Variants in NRXN3 observed in about 807,000 individuals in gnomAD.
NRXN3 encodes the protein neurexin 3.
A neutral mutation model predicts 137.6 loss-of-function variants in NRXN3; 32 were observed. The ratio of observed to expected loss-of-function variants is 0.23; its 90% CI spans 0.18 to 0.31. NRXN3 has a LOEUF of 0.31. NRXN3 is among the 10% of genes least tolerant of loss of function. The pLI, the probability that NRXN3 is intolerant of heterozygous loss-of-function variation, is 1.00. For missense variants in NRXN3, 1,574 were observed against 2,062.5 expected (o/e 0.76, Z 4.59); for synonymous variants, 798 against 784.5 (o/e 1.02, Z -0.29).
intron 5 of NRXN3, among the ~76,000 whole-genome samples, chr14:78,650,656 A>C (rs1461017961): frequency 1.3e-5 from 2 of 152,124 alleles, no homozygotes; most frequent in African/African-American, 4.8e-5. Flanking sequence ...GAGCCAAAAA[A>C]TATTAATAAC....
intron 15 of NRXN3, among the ~76,000 whole-genome samples, chr14:79,245,124 C>A (rs1385354672): frequency 6.6e-6 from 1 of 152,048 alleles, no homozygotes; most frequent in Admixed American, 6.6e-5. Context: ...TAATGATGCC[C>A]ATCTCACAGG....
chr14:79,005,203 A>G (rs2099549831), intron 15 of NRXN3, among the ~76,000 whole-genome samples: 1 of 152,186 alleles, frequency 6.6e-6, no homozygotes, highest in Non-Finnish European at 1.5e-5. Flanking sequence ...TCCCACTAAT[A>G]CGCAGGAGCT....
intron 19 of NRXN3, among the ~76,000 whole-genome samples, chr14:79,717,676 A>G (rs1485664274): frequency 1.3e-5 from 2 of 152,202 alleles, no homozygotes; most frequent in Non-Finnish European, 2.9e-5. Context: ...AATATTTAGG[A>G]CAGTTCATCT....
At chr14:78,364,228 T>C (rs1403188607) in intron 4 of NRXN3, among the ~76,000 whole-genome samples, 1 of 152,236 alleles carries the variant, frequency 6.6e-6, no homozygotes, top group African/African-American at 2.4e-5. Flanking sequence ...CCAGGGCTTC[T>C]AGCCCATGTA....
chr14:79,285,164 T>C (rs1021895055), intron 15 of NRXN3, among the ~76,000 whole-genome samples: 1 of 151,834 alleles, frequency 6.6e-6, no homozygotes, highest in Non-Finnish European at 1.5e-5. Context: ...AGAGATAAGA[T>C]CATCAGAACA....
At chr14:78,334,860 C>T (rs1484392486) in intron 4 of NRXN3, among the ~76,000 whole-genome samples, 1 of 152,112 alleles carries the variant, frequency 6.6e-6, no homozygotes, top group Non-Finnish European at 1.5e-5. Flanking sequence ...ATTCTGTAAA[C>T]ACTTATTGAA....
At chr14:78,846,708 A>G (rs766366042) in intron 10 of NRXN3, among the ~76,000 whole-genome samples, 3 of 152,092 alleles carry the variant, frequency 2.0e-5, no homozygotes, top group Non-Finnish European at 2.9e-5. Flanking sequence ...AATATGCTGC[A>G]ATAAAAATGA....
intron 15 of NRXN3, among the ~76,000 whole-genome samples, chr14:79,368,559 T>C (rs1366104017): frequency 6.6e-6 from 1 of 152,212 alleles, no homozygotes; most frequent in Non-Finnish European, 1.5e-5. Context: ...TCTCAGTCAA[T>C]ACTCTGCATA....
chr14:79,076,199 A>G (rs373608144), intron 15 of NRXN3, among the ~76,000 whole-genome samples: 28 of 152,138 alleles, frequency 1.8e-4, no homozygotes, highest in African/African-American at 6.5e-4. Flanking sequence ...CTCATTGTTC[A>G]TTCATGGAGT....
intron 15 of NRXN3, among the ~76,000 whole-genome samples, chr14:79,047,180 C>T (rs2099634393): frequency 6.7e-6 from 1 of 149,966 alleles, no homozygotes; most frequent in Non-Finnish European, 1.5e-5. Context: ...CAACAACCCA[C>T]TTTTAGTGTG....
intron 15 of NRXN3, among the ~76,000 whole-genome samples, chr14:79,314,621 C>G (rs1246392639): frequency 1.1e-5 from 1 of 91,032 alleles, no homozygotes; most frequent in Non-Finnish European, 2.1e-5. Context: ...AGGGCACAGA[C>G]AAACAAAAAG....
chr14:79,371,317 A>G (rs2094102728), intron 15 of NRXN3, among the ~76,000 whole-genome samples: 1 of 152,210 alleles, frequency 6.6e-6, no homozygotes, highest in Non-Finnish European at 1.5e-5. Flanking sequence ...TTAGGGTGAC[A>G]GAACATATGA....
intron 15 of NRXN3, among the ~76,000 whole-genome samples, chr14:79,377,306 T>C (rs2094331371): frequency 6.6e-6 from 1 of 152,150 alleles, no homozygotes; most frequent in Non-Finnish European, 1.5e-5. Context: ...AAGAAGAAAT[T>C]TGAGAAAGTA....
At chr14:79,837,699 A>G (rs1603618427) in intron 20 of NRXN3, among the ~76,000 whole-genome samples, 1 of 152,142 alleles carries the variant, frequency 6.6e-6, no homozygotes, top group African/African-American at 2.4e-5. Flanking sequence ...GTTTTTCTCT[A>G]GAGGCTTCCA....
chr14:78,997,353 T>C (rs960737431), intron 15 of NRXN3, among the ~76,000 whole-genome samples: 3 of 152,364 alleles, frequency 2.0e-5, no homozygotes, highest in Admixed American at 6.5e-5. Context: ...CTGTGTTTAA[T>C]TATAGCCCAT....
chr14:79,163,556 G>C (rs1026258100), intron 15 of NRXN3, among the ~76,000 whole-genome samples: 1 of 151,814 alleles, frequency 6.6e-6, no homozygotes, highest in Non-Finnish European at 1.5e-5. Context: ...TCCAGTCATG[G>C]CCTGACAAGT....
At chr14:78,593,736 G>A (rs979171702) in intron 4 of NRXN3, among the ~76,000 whole-genome samples, 4 of 152,100 alleles carry the variant, frequency 2.6e-5, no homozygotes, top group Non-Finnish European at 5.9e-5. Context: ...CCAGCATAGA[G>A]GACCTGGTTT....
At chr14:79,239,443 A>G (rs879859540) in intron 15 of NRXN3, among the ~76,000 whole-genome samples, 1 of 152,162 alleles carries the variant, frequency 6.6e-6, no homozygotes, top group African/African-American at 2.4e-5. Flanking sequence ...CACTGGTCAT[A>G]CAGAATTAAA....
chr14:79,632,953 T>C (rs2098370931), intron 16 of NRXN3, among the ~76,000 whole-genome samples: 1 of 152,206 alleles, frequency 6.6e-6, no homozygotes. Flanking sequence ...TTACACACAT[T>C]ATCTTAATAT....
Sources: allele counts gnomAD v4.1 joint callset (sites outside exome capture counted in the v4.1 genomes callset), GRCh38; gene constraint gnomAD v4.1.1; transcripts MANE v1.5; gene names NCBI Gene and HGNC (gene_info 2026-07-23, HGNC 2026-07-21).